THRB: variants seen among roughly 807,000 people sequenced by gnomAD.
THRB encodes thyroid hormone receptor beta.
In THRB, 12 loss-of-function variants were observed where a neutral mutation model predicts 47.8. The ratio of observed to expected loss-of-function variants is 0.25; its 90% CI spans 0.16 to 0.41. The LOEUF (loss-of-function observed/expected upper bound fraction) is 0.41. Ranked by LOEUF, THRB falls within the 10% of genes least tolerant of loss-of-function variation. THRB has a pLI of 1.00. For synonymous variants in THRB, 218 were observed against 212.2 expected, an observed-to-expected ratio of 1.03 and a Z score of -0.24; for missense variants, 348 against 589.2, an observed-to-expected ratio of 0.59 and a Z score of 4.24.
At chr3:24,376,287 T>A (rs576658850) in intron 1 of THRB, among the ~76,000 whole-genome samples, 1 of 152,178 alleles carries the variant, frequency 6.6e-6, no homozygotes, top group Non-Finnish European at 1.5e-5. Context: ...AAGCTTTATG[T>A]TTACCTTGGC....
intron 1 of THRB, among the ~76,000 whole-genome samples, chr3:24,406,516 A>G (rs9816421): frequency 0.13 from 19,083 of 151,682 alleles, 2,705 homozygotes; most frequent in African/African-American, 0.35. Flanking sequence ...TAATGTCTGC[A>G]AGACTAAATT....
rs114811520 is a variant in THRB at position 24,316,213 on chromosome 3, G to T, written c.-188-18842C>A. Among the ~76,000 whole-genome samples, 891 of 152,252 alleles carry T rather than the reference G, an allele frequency of 5.9e-3. 10 individuals are homozygous for T. The highest frequency in any genetic ancestry group is 0.02 in the African/African-American group (840 of 41,548). ...AGCAATCTCAATGGGCTACTACAGA[G>T]TCATGAAAATAACTGCTGGTCAACC... is the stretch of plus-strand genomic sequence containing the variant. On this transcript the variant is annotated intron_variant, in intron 2 of 10. Transcript: ENST00000646209.
chr3:24,436,105 A>G (rs1336866075), intron 1 of THRB, among the ~76,000 whole-genome samples: 1 of 152,168 alleles, frequency 6.6e-6, no homozygotes, highest in East Asian at 1.9e-4. Context: ...AAAAGAGAGG[A>G]AAGAAATAAC....
At chr3:24,228,125 G>A (rs1418336868) in intron 4 of THRB, among the ~76,000 whole-genome samples, 1 of 152,240 alleles carries the variant, frequency 6.6e-6, no homozygotes, top group African/African-American at 2.4e-5. Context: ...CTTCCTTTTA[G>A]AGAGAACCAG....
intron 1 of THRB, among the ~76,000 whole-genome samples, chr3:24,440,657 T>C (rs984372234): frequency 1.3e-5 from 2 of 152,170 alleles, no homozygotes; most frequent in Non-Finnish European, 2.9e-5. Flanking sequence ...TCATTCTAGG[T>C]ATATTCTAGG....
chr3:24,154,397 A>G (rs536775333), intron 5 of THRB, among the ~76,000 whole-genome samples: 19 of 152,224 alleles, frequency 1.2e-4, no homozygotes, highest in Non-Finnish European at 2.8e-4. Flanking sequence ...AAATACAAAA[A>G]TGAGTAAGAC....
At chr3:24,129,153 G>T (rs1194375606) in intron 9 of THRB, among the ~76,000 whole-genome samples, 1 of 152,112 alleles carries the variant, frequency 6.6e-6, no homozygotes, top group Non-Finnish European at 1.5e-5. Flanking sequence ...AAAAGTCATT[G>T]CATATTTGAT....
intron 8 of THRB, among the ~76,000 whole-genome samples, chr3:24,134,044 C>T (rs1028312443): frequency 5.3e-5 from 8 of 152,196 alleles, no homozygotes; most frequent in African/African-American, 1.9e-4. Context: ...CTACAGGAAA[C>T]TTGGCAAACT....
chr3:24,375,372 GAC>G (rs2065198826), intron 1 of THRB, among the ~76,000 whole-genome samples: 1 of 140,666 alleles, frequency 7.1e-6, no homozygotes, highest in Non-Finnish European at 1.5e-5. Context: ...ATTATATTTA[GAC>G]ATATAATATT....
chr3:24,483,167 T>C (rs2125895383), intron 1 of THRB, among the ~76,000 whole-genome samples: 2 of 152,276 alleles, frequency 1.3e-5, no homozygotes, highest in Non-Finnish European at 2.9e-5. Context: ...CTTTTATTAT[T>C]CATGTCCCTT....
intron 5 of THRB, among the ~76,000 whole-genome samples, chr3:24,181,778 C>T (rs2041928927): frequency 6.6e-6 from 1 of 152,210 alleles, no homozygotes; most frequent in South Asian, 2.1e-4. Flanking sequence ...TTCATGGCCT[C>T]CTTCTAGTCC....
At chr3:24,281,014 C>A (rs1456563723) in intron 3 of THRB, among the ~76,000 whole-genome samples, 1,703 of 152,220 alleles carry the variant, frequency 0.011, 30 homozygotes, top group African/African-American at 0.039. Context: ...AAACACTCTG[C>A]AGGATATCAT....
chr3:24,163,719 G>A (rs2039237556), intron 5 of THRB, among the ~76,000 whole-genome samples: 1 of 151,988 alleles, frequency 6.6e-6, no homozygotes, highest in South Asian at 2.1e-4. Flanking sequence ...ACCTTCAAAA[G>A]GATGCAAAAC....
intron 3 of THRB, among the ~76,000 whole-genome samples, chr3:24,249,080 A>C (rs2050399605): frequency 6.6e-6 from 1 of 152,194 alleles, no homozygotes; most frequent in South Asian, 2.1e-4. Flanking sequence ...AACACCGTTG[A>C]CTTAATGCAA....
At chr3:24,295,724 G>A (rs2056390252) in intron 3 of THRB, among the ~76,000 whole-genome samples, 1 of 152,154 alleles carries the variant, frequency 6.6e-6, no homozygotes, top group Non-Finnish European at 1.5e-5. Context: ...CCAGCTTGGG[G>A]TTCCTGAGGC....
intron 1 of THRB, among the ~76,000 whole-genome samples, chr3:24,366,171 T>C (rs2064440749): frequency 6.6e-6 from 1 of 152,202 alleles, no homozygotes; most frequent in Non-Finnish European, 1.5e-5. Flanking sequence ...GTTCCAGTTT[T>C]TGGCAGTAGA....
chr3:24,451,696 C>A (rs1310134451), intron 1 of THRB, among the ~76,000 whole-genome samples: 1 of 152,204 alleles, frequency 6.6e-6, no homozygotes, highest in Non-Finnish European at 1.5e-5. Context: ...AATGGAAAGG[C>A]TCATCTCCTC....
intron 1 of THRB, among the ~76,000 whole-genome samples, chr3:24,428,524 C>T (rs1311033412): frequency 6.6e-6 from 1 of 152,004 alleles, no homozygotes; most frequent in Non-Finnish European, 1.5e-5. Flanking sequence ...TTCAGTTTCA[C>T]CAGGTGGTGG....
intron 1 of THRB, among the ~76,000 whole-genome samples, chr3:24,436,500 C>T (rs914625739): frequency 6.6e-6 from 1 of 152,138 alleles, no homozygotes; most frequent in African/African-American, 2.4e-5. Flanking sequence ...AATGCACACA[C>T]ACTTCTCTTT....
Sources: gnomAD v4.1 joint callset for allele counts (sites outside exome capture counted in the v4.1 genomes callset) on GRCh38, gnomAD v4.1.1 for gene constraint, MANE v1.5 for transcripts, NCBI Gene and HGNC (gene_info 2026-07-23, HGNC 2026-07-21) for gene names.